CELF4: variants seen among roughly 807,000 people sequenced by gnomAD.
CELF4 encodes CUG-BP- and ETR-3-like factor 4.
CELF4 carries 18 observed loss-of-function variants against 59.9 expected under a neutral mutation model. The ratio of observed to expected loss-of-function variants is 0.30; its 90% CI spans 0.21 to 0.45. CELF4 has a LOEUF of 0.45. CELF4 is among the 20% of genes least tolerant of loss of function. CELF4 has a pLI of 1.00. For synonymous variants in CELF4, 261 were observed against 267.1 expected (o/e 0.98, Z 0.22); for missense variants, 456 against 689.0 (o/e 0.66, Z 3.79).
intron 3 of CELF4, 70 bp downstream of exon 3, chr18:37,321,733 T>C (rs1241214541): frequency 4.3e-6 from 5 of 1,171,592 alleles, no homozygotes; most frequent in Non-Finnish European, 6.2e-6. Context: ...CTGCATCGCC[T>C]TGCTGCGTCG....
intron 2 of CELF4, among the ~76,000 whole-genome samples, chr18:37,477,441 G>A (rs1041599882): frequency 3.3e-5 from 5 of 152,246 alleles, no homozygotes; most frequent in East Asian, 1.9e-4. Flanking sequence ...CCAGGATGGT[G>A]TCTGCCCTGG....
intron 2 of CELF4, among the ~76,000 whole-genome samples, chr18:37,423,062 G>GCA (rs143795424): frequency 4.0e-4 from 11 of 27,630 alleles, no homozygotes; most frequent in Non-Finnish European, 1.0e-3. Context: ...ATGCGCGCGC[G>GCA]CGCACACACA....
chr18:37,491,491 G>C (rs572747203), intron 1 of CELF4, among the ~76,000 whole-genome samples: 3 of 152,104 alleles, frequency 2.0e-5, no homozygotes, highest in Non-Finnish European at 4.4e-5. Context: ...GGGTGGAGAC[G>C]GGCTCTTCTA....
At chr18:37,398,021 G>A (rs976253834) in intron 2 of CELF4, among the ~76,000 whole-genome samples, 1 of 152,142 alleles carries the variant, frequency 6.6e-6, no homozygotes, top group Non-Finnish European at 1.5e-5. Flanking sequence ...ACTCAGGCCC[G>A]GGTCAGTGGC....
At chr18:37,494,581 A>G (rs2099922807) in intron 1 of CELF4, among the ~76,000 whole-genome samples, 1 of 152,170 alleles carries the variant, frequency 6.6e-6, no homozygotes, top group Non-Finnish European at 1.5e-5. Context: ...GAGTGCTGTC[A>G]TGTGCATGAT....
At chr18:37,317,667 C>T (rs1302687250) in intron 3 of CELF4, among the ~76,000 whole-genome samples, 1 of 152,226 alleles carries the variant, frequency 6.6e-6, no homozygotes, top group Non-Finnish European at 1.5e-5. Flanking sequence ...TCCACTCCAA[C>T]CCCTCCAGAG....
chr18:37,306,133 G>A (rs1429240421), intron 3 of CELF4: 3 of 152,256 alleles, frequency 2.0e-5, no homozygotes, highest in Admixed American at 2.0e-4. Context: ...GCAAACCTGG[G>A]TCCTGGTGGG....
At chr18:37,500,527 TTTTC>T (rs1159765623) in intron 1 of CELF4, among the ~76,000 whole-genome samples, 1 of 41,522 alleles carries the variant, frequency 2.4e-5, no homozygotes, top group Non-Finnish European at 6.5e-5. Context: ...TTTTCTTTTC[TTTTC>T]TTTTTCTTTT....
At chr18:37,514,205 T>A (rs1029415859) in intron 1 of CELF4, among the ~76,000 whole-genome samples, 20 of 152,086 alleles carry the variant, frequency 1.3e-4, no homozygotes, top group African/African-American at 4.8e-4. Context: ...GGCCCTGGTG[T>A]TCAAGGTAAT....
At chr18:37,307,128 T>C (rs2096454494) in intron 3 of CELF4, among the ~76,000 whole-genome samples, 2 of 152,076 alleles carry the variant, frequency 1.3e-5, no homozygotes, top group Non-Finnish European at 2.9e-5. Context: ...AGGGGGCTTG[T>C]ACTCCACTCC....
At chr18:37,436,154 G>A (rs1448489732) in intron 2 of CELF4, among the ~76,000 whole-genome samples, 1 of 152,230 alleles carries the variant, frequency 6.6e-6, no homozygotes, top group Non-Finnish European at 1.5e-5. Flanking sequence ...GCAGGAACCA[G>A]CCAGGGAGAA....
chr18:37,473,052 G>A (rs940611659), intron 2 of CELF4, among the ~76,000 whole-genome samples: 10 of 152,106 alleles, frequency 6.6e-5, no homozygotes, highest in African/African-American at 9.7e-5. Context: ...TACCTTGTGG[G>A]ACAGCCCAGG....
intron 2 of CELF4, among the ~76,000 whole-genome samples, chr18:37,450,710 T>G (rs971197294): frequency 6.6e-6 from 1 of 151,990 alleles, no homozygotes; most frequent in Non-Finnish European, 1.5e-5. Context: ...CCTCACCTCA[T>G]GGGCTCCCCA....
intron 3 of CELF4, among the ~76,000 whole-genome samples, chr18:37,302,265 G>A (rs2096100745): frequency 6.6e-6 from 1 of 152,034 alleles, no homozygotes; most frequent in Non-Finnish European, 1.5e-5. Context: ...ATCCTCTCCT[G>A]CTGCTGGAGT....
chr18:37,486,731 A>G (rs1226099725), intron 1 of CELF4, among the ~76,000 whole-genome samples: 3 of 152,196 alleles, frequency 2.0e-5, no homozygotes, highest in Non-Finnish European at 4.4e-5. Context: ...ACCCTGTGGA[A>G]TGGCTGCCTC....
At chr18:37,446,453 G>T (rs947693188) in intron 2 of CELF4, among the ~76,000 whole-genome samples, 3 of 151,980 alleles carry the variant, frequency 2.0e-5, no homozygotes, top group African/African-American at 7.3e-5. Context: ...GTTTCCACAG[G>T]TTCATATTTG....
At chr18:37,377,985 C>T (rs900054917) in intron 2 of CELF4, among the ~76,000 whole-genome samples, 11 of 152,130 alleles carry the variant, frequency 7.2e-5, no homozygotes, top group Non-Finnish European at 1.5e-4. Context: ...CTGAGTCCAG[C>T]GGGGACCTTC....
chr18:37,264,820 G>T, intron 9 of CELF4, 63 bp from the exon 10 acceptor site: 1 of 1,388,786 alleles, frequency 7.2e-7, no homozygotes, highest in Non-Finnish European at 1.0e-6. Context: ...CAGGAAGAAA[G>T]AGAGAGATTT....
chr18:37,326,617 C>T (rs2097323491), intron 2 of CELF4, among the ~76,000 whole-genome samples: 1 of 152,136 alleles, frequency 6.6e-6, no homozygotes, highest in Non-Finnish European at 1.5e-5. Flanking sequence ...TCAGGAACAG[C>T]TACCTGCAGC....
Sources: gnomAD v4.1 joint callset for allele counts (sites outside exome capture counted in the v4.1 genomes callset) on GRCh38, gnomAD v4.1.1 for gene constraint, MANE v1.5 for transcripts, NCBI Gene and HGNC (gene_info 2026-07-23, HGNC 2026-07-21) for gene names.